PTGR1: variants seen among roughly 807,000 people sequenced by gnomAD.
The protein encoded by PTGR1 is prostaglandin reductase 1.
In PTGR1, 23 loss-of-function variants were observed where a neutral mutation model predicts 37.7. That is an observed-to-expected ratio of 0.61 (90% CI 0.44 to 0.86). The LOEUF (loss-of-function observed/expected upper bound fraction) is 0.86, where lower values mean the gene tolerates loss of function less well. Among genes scored for constraint, PTGR1 ranks in the 40% least tolerant of loss-of-function variants. The probability of loss-of-function intolerance (pLI) is 0.00; values close to 1 mark genes in which losing one functional copy is unlikely to be tolerated. For missense variants in PTGR1, 351 were observed against 394.3 expected (o/e 0.89, Z 0.93); for synonymous variants, 134 against 140.0 (o/e 0.96, Z 0.30).
At chr9:111,567,305 A>G (rs1353021275) in intron 9 of PTGR1, among the ~76,000 whole-genome samples, 1 of 152,112 alleles carries the variant, frequency 6.6e-6, no homozygotes, top group African/African-American at 2.4e-5. Context: ...CTCCTGCCTC[A>G]GCCTCCCAAG....
chr9:111,576,613 A>G (rs1829067292), intron 7 of PTGR1: 3 of 564,694 alleles, frequency 5.3e-6, no homozygotes, highest in Non-Finnish European at 3.1e-6. Context: ...TTCATAAAAT[A>G]AAAGCTACTA....
At chr9:111,562,339 A>T (rs1471863770), downstream of PTGR1, among the ~76,000 whole-genome samples, 1 of 150,280 alleles carries the variant, frequency 6.7e-6, no homozygotes, top group African/African-American at 2.4e-5. Flanking sequence ...ACAGTGGCGC[A>T]ATCTCAGCTC....
intron 9 of PTGR1, among the ~76,000 whole-genome samples, chr9:111,553,028 C>T (rs897516453): frequency 6.6e-6 from 1 of 152,060 alleles, no homozygotes; most frequent in African/African-American, 2.4e-5. Flanking sequence ...AAACTCAGAC[C>T]CTTTTAAAAG....
chr9:111,557,857 A>G (rs1393702490), downstream of PTGR1, among the ~76,000 whole-genome samples: 1 of 152,202 alleles, frequency 6.6e-6, no homozygotes, highest in Non-Finnish European at 1.5e-5. Flanking sequence ...TGTTAAAACT[A>G]TGGAAGTAGG....
At chr9:111,596,926 CAAAAAAAAAA>C (rs71494900) in intron 2 of PTGR1, among the ~76,000 whole-genome samples, 9 of 90,660 alleles carry the variant, frequency 9.9e-5, no homozygotes, top group Middle Eastern at 5.1e-3. Flanking sequence ...GACTCTGTCT[CAAAAAAAAAA>C]AAAAAAAAAA....
intron 9 of PTGR1, among the ~76,000 whole-genome samples, chr9:111,556,922 C>T (rs965101400): frequency 1.4e-4 from 21 of 152,178 alleles, no homozygotes; most frequent in Admixed American, 9.2e-4. Flanking sequence ...GTGGCTGGAG[C>T]TGGAGTGGCC....
intron 7 of PTGR1, chr9:111,576,619 T>C: frequency 1.8e-6 from 1 of 545,866 alleles, no homozygotes; most frequent in Non-Finnish European, 3.2e-6. Context: ...AAATAAAAGC[T>C]ACTAGGATGA....
chr9:111,564,240 C>CA (rs1432063229), intron 9 of PTGR1: 2 of 1,045,362 alleles, frequency 1.9e-6, no homozygotes, highest in African/African-American at 3.4e-5. Context: ...TGCTTGAAGT[C>CA]AGTCAATTAC....
chr9:111,594,363 A>T, intron 2 of PTGR1, 96 bp from the exon 3 acceptor site: 1 of 1,150,864 alleles, frequency 8.7e-7, no homozygotes, highest in Non-Finnish European at 1.3e-6. Flanking sequence ...TGAGACAGGG[A>T]CAAGGGTTGA....
intron 8 of PTGR1, among the ~76,000 whole-genome samples, chr9:111,571,556 G>A (rs1828821860): frequency 6.6e-6 from 1 of 151,306 alleles, no homozygotes; most frequent in African/African-American, 2.4e-5. Context: ...ACTGCTCAAT[G>A]CAGCCTTGAC....
chr9:111,597,020 A>T (rs144921664), intron 2 of PTGR1, among the ~76,000 whole-genome samples: 1 of 152,158 alleles, frequency 6.6e-6, no homozygotes, highest in Non-Finnish European at 1.5e-5. Flanking sequence ...ATAAGAATAG[A>T]GCTCAAGCTA....
intron 8 of PTGR1, among the ~76,000 whole-genome samples, chr9:111,570,485 T>C (rs7020283): frequency 0.46 from 69,384 of 151,902 alleles, 18,806 homozygotes; most frequent in African/African-American, 0.75. Flanking sequence ...GATTAAGAAG[T>C]TTGGGGGTGG....
intron 5 of PTGR1, among the ~76,000 whole-genome samples, chr9:111,583,975 C>T (rs1015204143): frequency 6.6e-6 from 1 of 152,214 alleles, no homozygotes; most frequent in Non-Finnish European, 1.5e-5. Context: ...CCCATGTTAT[C>T]ATGGCGACAT....
At chr9:111,564,613 G>A (rs552754598) in intron 9 of PTGR1, among the ~76,000 whole-genome samples, 6 of 151,808 alleles carry the variant, frequency 4.0e-5, no homozygotes, top group Non-Finnish European at 8.8e-5. Context: ...GCTGAGATTT[G>A]AACTTTTGAC....
chr9:111,551,791 A>G (rs1446749586), intron 9 of PTGR1, among the ~76,000 whole-genome samples: 4 of 152,190 alleles, frequency 2.6e-5, no homozygotes, highest in Non-Finnish European at 1.5e-5. Flanking sequence ...ATCACTTTCA[A>G]AACTTTTTAA....
chr9:111,599,501 G>GC (rs1829880456), intron 1 of PTGR1, 102 bp downstream of exon 1: 1 of 152,372 alleles, frequency 6.6e-6, no homozygotes, highest in Non-Finnish European at 1.5e-5. Context: ...AGGTCTAAGA[G>GC]CAAACCTCCT....
chr9:111,561,110 T>G (rs13299946), downstream of PTGR1, among the ~76,000 whole-genome samples: 8,821 of 19,102 alleles, frequency 0.46, 2,002 homozygotes, highest in East Asian at 0.58. Context: ...TATATATATA[T>G]AGAGAGAGAG....
chr9:111,578,376 C>A (rs896093498), intron 7 of PTGR1, among the ~76,000 whole-genome samples: 1 of 151,884 alleles, frequency 6.6e-6, no homozygotes, highest in East Asian at 2.0e-4. Flanking sequence ...TCACCATAAC[C>A]ATAGAATCAG....
rs528901452 is a variant in PTGR1, at chr9:111,594,546, A to ATCCTTTTTTTTTTTTTTTTTTTT, written c.107-280_107-279insAAAAAAAAAAAAAAAAAAAAGGA. On this transcript the variant is annotated intron_variant, in intron 2 of 9. Transcript: ENST00000407693. Reference sequence around the variant, plus strand: ...AAGGCCTGATGCCTTCGTTTTTGGCATTCTTTTTTTTTTTTTTTTTTTGAG... The same window carrying ATCCTTTTTTTTTTTTTTTTTTTT: ...AAGGCCTGATGCCTTCGTTTTTGGCATCCTTTTTTTTTTTTTTTTTTTTTTCTTTTTTTTTTTTTTTTTTTGAG... Among the ~76,000 whole-genome samples, 3 of 127,420 alleles carry ATCCTTTTTTTTTTTTTTTTTTTT rather than the reference A, an allele frequency of 2.4e-5. 1 individual carries two copies. Among genetic ancestry groups the ATCCTTTTTTTTTTTTTTTTTTTT allele is most frequent in the Non-Finnish European group, 5.0e-5 (3 of 59,438 alleles). The allele number at this position is 127,420 out of a possible 152,430, so 83.6% of individuals were successfully genotyped here.
Sources: gnomAD v4.1 joint callset for allele counts (sites outside exome capture counted in the v4.1 genomes callset) on GRCh38, gnomAD v4.1.1 for gene constraint, MANE v1.5 for transcripts, NCBI Gene and HGNC (gene_info 2026-07-23, HGNC 2026-07-21) for gene names.